LGSN: variants seen among roughly 807,000 people sequenced by gnomAD.
The protein encoded by LGSN is lengsin, lens protein with glutamine synthetase domain.
Under a neutral mutation model 19.5 loss-of-function variants are expected in LGSN, and 21 were observed. The observed-to-expected ratio is 1.07, with a 90% CI of 0.76 to 1.55. The LOEUF is 1.55. LGSN is among the 40% of genes most tolerant of loss of function. The probability of loss-of-function intolerance (pLI) is 0.00; values close to 1 mark genes in which losing one functional copy is unlikely to be tolerated. For synonymous variants in LGSN, 257 were observed against 215.6 expected, an observed-to-expected ratio of 1.19 and a Z score of -1.68; for missense variants, 673 against 608.5, an observed-to-expected ratio of 1.11 and a Z score of -1.12.
chr6:63,336,543 G>GTATATATA, the LGSN span, among the ~76,000 whole-genome samples: 5 of 140,526 alleles, frequency 3.6e-5, no homozygotes, highest in African/African-American at 1.5e-4. Flanking sequence ...GTGTGTGTGT[G>GTATATATA]TGTGTGTGTG....
At chr6:63,495,590 C>T in the LGSN span, among the ~76,000 whole-genome samples, 32 of 150,602 alleles carry the variant, frequency 2.1e-4, no homozygotes, top group African/African-American at 7.5e-4. Flanking sequence ...CCTGAGATTA[C>T]AGGCATGCAC....
chr6:63,283,520 T>C (rs932207074), intron 3 of LGSN, among the ~76,000 whole-genome samples: 1 of 152,032 alleles, frequency 6.6e-6, no homozygotes, highest in African/African-American at 2.4e-5. Context: ...TCTGCCCTTT[T>C]GATTGATAGA....
the LGSN span, among the ~76,000 whole-genome samples, chr6:63,477,823 G>A: frequency 6.8e-6 from 1 of 147,728 alleles, no homozygotes; most frequent in Admixed American, 6.9e-5. Context: ...TTACAGGTAT[G>A]AGTCATCACA....
At chr6:63,479,779 C>T in the LGSN span, among the ~76,000 whole-genome samples, 1 of 152,142 alleles carries the variant, frequency 6.6e-6, no homozygotes, top group Non-Finnish European at 1.5e-5. Context: ...TCAATTTGAA[C>T]TCCTCATTTT....
At chr6:63,557,320 C>G in the LGSN span, among the ~76,000 whole-genome samples, 1 of 152,140 alleles carries the variant, frequency 6.6e-6, no homozygotes, top group Non-Finnish European at 1.5e-5. Flanking sequence ...AATCCCAGAA[C>G]TTTGGGAGGC....
At chr6:63,509,182 A>G in the LGSN span, among the ~76,000 whole-genome samples, 1 of 151,448 alleles carries the variant, frequency 6.6e-6, no homozygotes, top group Admixed American at 6.6e-5. Context: ...CTTGAGGTTC[A>G]GCCTCCTGAG....
At chr6:63,501,298 G>T in the LGSN span, among the ~76,000 whole-genome samples, 3 of 150,730 alleles carry the variant, frequency 2.0e-5, no homozygotes, top group Non-Finnish European at 4.4e-5. Flanking sequence ...GGAGGCGGAG[G>T]TTGCAGTGAG....
chr6:63,438,619 G>A, the LGSN span, among the ~76,000 whole-genome samples: 16,404 of 151,912 alleles, frequency 0.11, 1,809 homozygotes, highest in African/African-American at 0.28. Flanking sequence ...CATCATCACT[G>A]GCCATCAGAG....
intron 1 of LGSN, among the ~76,000 whole-genome samples, chr6:63,306,031 C>T (rs537426049): frequency 5.9e-4 from 90 of 152,102 alleles, no homozygotes; most frequent in African/African-American, 2.0e-3. Context: ...CGCACCACTG[C>T]ACTCCAGCCT....
chr6:63,420,355 A>G, the LGSN span, among the ~76,000 whole-genome samples: 1 of 152,200 alleles, frequency 6.6e-6, no homozygotes, highest in Non-Finnish European at 1.5e-5. Context: ...CCCTCAACTG[A>G]TATGCCATTC....
At chr6:63,349,829 T>C in the LGSN span, among the ~76,000 whole-genome samples, 1 of 152,160 alleles carries the variant, frequency 6.6e-6, no homozygotes, top group African/African-American at 2.4e-5. Flanking sequence ...CAAGTTATCA[T>C]AAGACTGAAA....
chr6:63,342,794 C>A, the LGSN span, among the ~76,000 whole-genome samples: 2 of 152,240 alleles, frequency 1.3e-5, no homozygotes, highest in African/African-American at 4.8e-5. Context: ...AGATATAACA[C>A]AAGGCTTTCA....
At chr6:63,467,202 G>A in the LGSN span, among the ~76,000 whole-genome samples, 2 of 151,814 alleles carry the variant, frequency 1.3e-5, no homozygotes, top group African/African-American at 4.8e-5. Context: ...TTATTTCTTT[G>A]TAATCTGTTT....
At chr6:63,298,764 A>G (rs1768079255) in intron 1 of LGSN, among the ~76,000 whole-genome samples, 1 of 152,304 alleles carries the variant, frequency 6.6e-6, no homozygotes, top group Non-Finnish European at 1.5e-5. Context: ...CAACACCAAC[A>G]CCACACTTTA....
chr6:63,304,444 C>G (rs920112081), intron 1 of LGSN, among the ~76,000 whole-genome samples: 2 of 152,188 alleles, frequency 1.3e-5, no homozygotes, highest in African/African-American at 4.8e-5. Flanking sequence ...AATAAAATTG[C>G]TCTAGATTAC....
At chr6:63,443,522 T>C in the LGSN span, 1 of 663,212 alleles carries the variant, frequency 1.5e-6, no homozygotes. Context: ...ACACCATCTG[T>C]GACAATGTGG....
At chr6:63,388,507 G>A in the LGSN span, among the ~76,000 whole-genome samples, 1 of 152,142 alleles carries the variant, frequency 6.6e-6, no homozygotes, top group South Asian at 2.1e-4. Flanking sequence ...GTCCCTGTAA[G>A]AAGAGGAAAT....
chr6:63,508,642 C>T, the LGSN span, among the ~76,000 whole-genome samples: 1 of 152,132 alleles, frequency 6.6e-6, no homozygotes, highest in Admixed American at 6.5e-5. Context: ...TCTGGCTGGG[C>T]ACGGTGGCTC....
chr6:63,339,909 T>G, the LGSN span, among the ~76,000 whole-genome samples: 1 of 152,192 alleles, frequency 6.6e-6, no homozygotes. Context: ...TGCTTCCAGA[T>G]GTAGGACTCC....
Sources: allele counts gnomAD v4.1 joint callset (sites outside exome capture counted in the v4.1 genomes callset), GRCh38; gene constraint gnomAD v4.1.1; transcripts MANE v1.5; gene names NCBI Gene and HGNC (gene_info 2026-07-23, HGNC 2026-07-21).